The following CHODL variants were observed in gnomAD, a reference collection of about 807,000 sequenced individuals.
CHODL encodes chondrolectin.
Under a neutral mutation model 34.5 loss-of-function variants are expected in CHODL, and 29 were observed. That is an observed-to-expected ratio of 0.84 (90% CI 0.63 to 1.15). The LOEUF (loss-of-function observed/expected upper bound fraction) is 1.15, where lower values mean the gene tolerates loss of function less well. CHODL is among the 50% of genes most tolerant of loss of function. The probability of loss-of-function intolerance (pLI) is 0.00; values close to 1 mark genes in which losing one functional copy is unlikely to be tolerated. For synonymous variants in CHODL, 125 were observed against 116.1 expected (o/e 1.08, Z -0.49); for missense variants, 332 against 332.5 (o/e 1.00, Z 0.01).
At chr21:18,057,508 C>T (rs1382164519) in intron 2 of CHODL, among the ~76,000 whole-genome samples, 2 of 151,726 alleles carry the variant, frequency 1.3e-5, no homozygotes, top group Admixed American at 6.6e-5. Flanking sequence ...ACATCATTAT[C>T]ACCCAGAGTT....
intron 2 of CHODL, among the ~76,000 whole-genome samples, chr21:18,147,312 C>T (rs939871677): frequency 6.6e-6 from 1 of 152,212 alleles, no homozygotes; most frequent in African/African-American, 2.4e-5. Flanking sequence ...GTGGAAGTAG[C>T]TAGAATCTAC....
At chr21:18,039,831 A>G (rs2064353689) in intron 2 of CHODL, among the ~76,000 whole-genome samples, 1 of 151,850 alleles carries the variant, frequency 6.6e-6, no homozygotes, top group Non-Finnish European at 1.5e-5. Context: ...AAGCCTTTGC[A>G]AATTACCCTT....
intron 2 of CHODL, among the ~76,000 whole-genome samples, chr21:18,175,979 A>G (rs2073305483): frequency 6.6e-6 from 1 of 152,204 alleles, no homozygotes; most frequent in Non-Finnish European, 1.5e-5. Context: ...TACAAATACT[A>G]ATTTTGTTAA....
intron 1 of CHODL, among the ~76,000 whole-genome samples, chr21:18,003,044 AC>A (rs1271412261): frequency 8.8e-5 from 13 of 148,372 alleles, no homozygotes; most frequent in Non-Finnish European, 1.3e-4. Context: ...AATGGCGTGA[AC>A]CCCGGGGGGC....
chr21:18,189,798 C>T lies in CHODL; in HGVS notation c.-44-66711C>T, dbSNP rs527892389. On this transcript the variant is annotated intron_variant, in intron 2 of 6. Coordinates refer to the CHODL transcript ENST00000400127. Reference sequence around the variant, plus strand: ...TACAGGTGCATGCCACCATGCCCGGCTAATTTTTGTATTTTTAGTAGAGAC... The same window carrying T: ...TACAGGTGCATGCCACCATGCCCGGTTAATTTTTGTATTTTTAGTAGAGAC... Among the ~76,000 whole-genome samples, 64 of 152,110 alleles carry T rather than the reference C, an allele frequency of 4.2e-4. 1 individual carries two copies. The South Asian group carries it at 0.013, about 31-fold the overall frequency.
intron 2 of CHODL, among the ~76,000 whole-genome samples, chr21:18,160,614 G>C (rs1437438359): frequency 6.6e-6 from 1 of 152,080 alleles, no homozygotes; most frequent in East Asian, 1.9e-4. Context: ...GTGTTAGTTT[G>C]CTAAGGATAA....
chr21:18,123,252 T>C (rs2065502523), intron 2 of CHODL, among the ~76,000 whole-genome samples: 1 of 152,168 alleles, frequency 6.6e-6, no homozygotes, highest in African/African-American at 2.4e-5. Flanking sequence ...TATGTGCTGC[T>C]TTGACGTTTG....
intron 2 of CHODL, among the ~76,000 whole-genome samples, chr21:18,039,590 A>T (rs1171290204): frequency 6.6e-6 from 1 of 151,710 alleles, no homozygotes; most frequent in Non-Finnish European, 1.5e-5. Flanking sequence ...CCAACTTTTC[A>T]TTCGACATCT....
At chr21:18,080,252 A>G (rs916955094) in intron 2 of CHODL, among the ~76,000 whole-genome samples, 1 of 152,102 alleles carries the variant, frequency 6.6e-6, no homozygotes, top group Non-Finnish European at 1.5e-5. Flanking sequence ...TTGGACGCAT[A>G]GTTTGTAAAT....
chr21:18,096,809 C>T lies in CHODL; in HGVS notation c.-45+68838C>T, dbSNP rs189095104. Among the ~76,000 whole-genome samples the T allele has an allele frequency of 4.6e-5, 7 of 152,198 alleles. No individual in the cohort carries two copies. The East Asian group carries it at 1.4e-3, about 29-fold the overall frequency. On this transcript the variant is annotated intron_variant, in intron 2 of 6. Coordinates refer to the CHODL transcript ENST00000400127. ...TTTGAAGCATGTGATCTCTGTGACC[C>T]ACTCTCTATTCGTTCACTCCCTCCC...
At chr21:18,112,351 TA>T (rs2065360968) in intron 2 of CHODL, among the ~76,000 whole-genome samples, 1 of 152,130 alleles carries the variant, frequency 6.6e-6, no homozygotes, top group Non-Finnish European at 1.5e-5. Context: ...AAGCAATATA[TA>T]TTTTTTAATG....
At chr21:18,262,946 A>G (rs771110633) in intron 5 of CHODL, 53 bp downstream of exon 5, 1 of 1,017,514 alleles carries the variant, frequency 9.8e-7, no homozygotes, top group Non-Finnish European at 1.5e-6. Flanking sequence ...ATAGGTTTTC[A>G]GAAATGTTTT....
intron 2 of CHODL, among the ~76,000 whole-genome samples, chr21:18,172,440 A>G (rs747508672): frequency 6.6e-6 from 1 of 152,202 alleles, no homozygotes; most frequent in African/African-American, 2.4e-5. Flanking sequence ...CTGCTAGGCT[A>G]GAGTTCTTAT....
At chr21:18,101,522 T>G (rs77033700) in intron 2 of CHODL, among the ~76,000 whole-genome samples, 1 of 152,162 alleles carries the variant, frequency 6.6e-6, no homozygotes, top group Non-Finnish European at 1.5e-5. Context: ...TGTAGAGATA[T>G]TCATTTAATA....
upstream of CHODL, among the ~76,000 whole-genome samples, chr21:18,240,113 C>T (rs1004461620): frequency 5.3e-5 from 8 of 151,646 alleles, no homozygotes; most frequent in East Asian, 1.9e-4. Context: ...TTTCAGACCC[C>T]GCATAATAGC....
intron 2 of CHODL, among the ~76,000 whole-genome samples, chr21:18,092,030 C>T (rs1224311138): frequency 6.6e-6 from 1 of 152,148 alleles, no homozygotes; most frequent in African/African-American, 2.4e-5. Flanking sequence ...GGGAAATTGC[C>T]ATCCTGAAGA....
At chr21:17,993,111 G>T (rs974795078) in intron 1 of CHODL, among the ~76,000 whole-genome samples, 3 of 152,070 alleles carry the variant, frequency 2.0e-5, no homozygotes, top group Non-Finnish European at 4.4e-5. Flanking sequence ...GGGCATCCTT[G>T]TCTTGTTCCA....
chr21:17,979,820 T>C (rs150471429), intron 1 of CHODL, among the ~76,000 whole-genome samples: 1 of 152,334 alleles, frequency 6.6e-6, no homozygotes, highest in Admixed American at 6.5e-5. Context: ...AAATTAAATG[T>C]CACTTAGGCC....
In CHODL at chr21:18,178,716, T is replaced by C. The variant is rs150855283; in HGVS notation, c.-44-77793T>C. 5.0e-3 allele frequency among the ~76,000 whole-genome samples: 754 copies of C among 152,172 alleles called. 6 individuals are homozygous for C. The highest frequency in any genetic ancestry group is 0.017 in the African/African-American group (712 of 41,510). ...TCATCCCCACCCTCTTCATGCTGAGTAGGCTGAGGAGGAAGAAGAGGAGAA... is the reference window on the plus strand; with the variant it reads ...TCATCCCCACCCTCTTCATGCTGAGCAGGCTGAGGAGGAAGAAGAGGAGAA... On this transcript the variant is annotated intron_variant, in intron 2 of 6. Coordinates refer to the CHODL transcript ENST00000400127.
Sources: gnomAD v4.1 joint callset for allele counts (sites outside exome capture counted in the v4.1 genomes callset) on GRCh38, gnomAD v4.1.1 for gene constraint, MANE v1.5 for transcripts, NCBI Gene and HGNC (gene_info 2026-07-23, HGNC 2026-07-21) for gene names.